Variants in BTBD1 observed in about 807,000 individuals in gnomAD.
BTBD1 encodes BTB domain containing 1, also known as BTB/POZ domain-containing protein 1.
Under a neutral mutation model 48.0 loss-of-function variants are expected in BTBD1, and 34 were observed. That is an observed-to-expected ratio of 0.71 (90% confidence interval 0.54 to 0.94). BTBD1 has a LOEUF of 0.94. Ranked by LOEUF, BTBD1 falls within the 40% of genes least tolerant of loss-of-function variation. The pLI is 0.00. For synonymous variants in BTBD1, 261 were observed against 242.1 expected (o/e 1.08, Z -0.72); for missense variants, 543 against 625.6 (o/e 0.87, Z 1.41).
chr15:83,053,951 A>C (rs2033037907), intron 2 of BTBD1, among the ~76,000 whole-genome samples: 1 of 152,218 alleles, frequency 6.6e-6, no homozygotes, highest in Non-Finnish European at 1.5e-5. Context: ...ACAACTATCG[A>C]TTTTAGGTGA....
intron 4 of BTBD1, among the ~76,000 whole-genome samples, chr15:83,031,164 T>C (rs1223315242): frequency 6.6e-6 from 1 of 152,222 alleles, no homozygotes; most frequent in Admixed American, 6.5e-5. Flanking sequence ...AGTGTTCCTA[T>C]TTCTCCACAT....
intron 5 of BTBD1, among the ~76,000 whole-genome samples, chr15:83,023,383 T>A (rs1203260126): frequency 1.3e-5 from 2 of 152,114 alleles, no homozygotes; most frequent in African/African-American, 4.8e-5. Flanking sequence ...TTAAAAAATT[T>A]TTATTTTTTT....
intron 2 of BTBD1, among the ~76,000 whole-genome samples, chr15:83,055,807 A>G (rs1351261850): frequency 6.6e-6 from 1 of 152,226 alleles, no homozygotes; most frequent in Admixed American, 6.5e-5. Context: ...ACTCTCAATC[A>G]TAAGTAGAAA....
At chr15:83,046,414 AAC>A (rs2032879725) in intron 3 of BTBD1, among the ~76,000 whole-genome samples, 1 of 152,224 alleles carries the variant, frequency 6.6e-6, no homozygotes, top group South Asian at 2.1e-4. Flanking sequence ...AGATCAGAAA[AAC>A]ACAGCAGATT....
At chr15:83,044,079 G>A (rs956661485) in intron 3 of BTBD1, among the ~76,000 whole-genome samples, 2 of 152,078 alleles carry the variant, frequency 1.3e-5, no homozygotes, top group East Asian at 1.9e-4. Context: ...AAAAGAAGAC[G>A]TTAAGCACTT....
intron 3 of BTBD1, among the ~76,000 whole-genome samples, chr15:83,049,633 T>C (rs1232507902): frequency 1.3e-5 from 2 of 152,198 alleles, no homozygotes; most frequent in South Asian, 2.1e-4. Context: ...ATGTGCAGGT[T>C]TGTCACAGAG....
intron 1 of BTBD1, among the ~76,000 whole-genome samples, chr15:83,063,871 A>G (rs956947632): frequency 6.6e-6 from 1 of 152,144 alleles, no homozygotes; most frequent in Non-Finnish European, 1.5e-5. Context: ...TAACTTGATT[A>G]TTTTTCTTCA....
chr15:83,032,969 C>CAAAAAAAAAAAAAAAAAA lies in BTBD1; in HGVS notation c.863-2659_863-2642dup, dbSNP rs56152195. On this transcript the variant is annotated intron_variant, in intron 4 of 7. Coordinates refer to ENST00000261721, the MANE Select transcript of BTBD1 (RefSeq NM_025238.4). ...GCTGGGTGACAGTCTTACTCTGTCT[C>CAAAAAAAAAAAAAAAAAA]AAAAAAAAAAAAAAAAAAACAGAAT... Among the ~76,000 whole-genome samples the CAAAAAAAAAAAAAAAAAA allele has an allele frequency of 1.7e-4, 15 of 86,994 alleles. 1 individual carries two copies. Among genetic ancestry groups the CAAAAAAAAAAAAAAAAAA allele is most frequent in the African/African-American group, 7.5e-4 (15 of 20,070 alleles). The allele number at this position is 86,994 out of a possible 152,430, so 57.1% of individuals were successfully genotyped here.
chr15:83,052,564 TCA>T (rs1392655632), intron 2 of BTBD1, among the ~76,000 whole-genome samples: 3 of 152,004 alleles, frequency 2.0e-5, no homozygotes, highest in African/African-American at 7.2e-5. Flanking sequence ...TAGTCTAGGA[TCA>T]CAGTTATACA....
At chr15:83,033,280 T>C (rs2032560005) in intron 4 of BTBD1, among the ~76,000 whole-genome samples, 1 of 152,176 alleles carries the variant, frequency 6.6e-6, no homozygotes, top group African/African-American at 2.4e-5. Context: ...TGAGAGAATC[T>C]GGTTAGTATC....
intron 5 of BTBD1, among the ~76,000 whole-genome samples, chr15:83,028,212 A>T (rs1435654659): frequency 6.6e-6 from 1 of 152,234 alleles, no homozygotes; most frequent in Admixed American, 6.5e-5. Flanking sequence ...ATAGTTTATC[A>T]TGTCAAACAA....
At position 83,016,808 on chromosome 15, in the gene BTBD1, TAA is replaced by T. The variant is rs2032175826; in HGVS notation, c.*1257_*1258del. 6.6e-6 allele frequency: 1 copy of T among 152,198 alleles called. No individual in the cohort carries two copies. The highest frequency in any genetic ancestry group is 2.1e-4 in the South Asian group (1 of 4,834). The allele number at this position is 152,198 out of a possible 1,614,324, so 9.4% of individuals were successfully genotyped here. On this transcript the variant is annotated 3_prime_UTR_variant, in exon 8 of 8. Transcript: ENST00000261721. ...CAATATACCTACCTTCTTTACAATA[TAA>T]AGTGAAATATTACTTTAGATGAAAA... is the stretch of plus-strand genomic sequence containing the variant.
intron 3 of BTBD1, among the ~76,000 whole-genome samples, chr15:83,042,376 A>ATATATATATG (rs1491038548): frequency 8.2e-6 from 1 of 121,778 alleles, no homozygotes; most frequent in African/African-American, 3.3e-5. Context: ...ATATATATAT[A>ATATATATATG]TGTATGTATA....
intron 2 of BTBD1, among the ~76,000 whole-genome samples, chr15:83,056,151 C>T (rs1003771440): frequency 1.3e-5 from 2 of 152,092 alleles, no homozygotes; most frequent in African/African-American, 2.4e-5. Context: ...GTGATCTACC[C>T]GCTTCAGCAT....
chr15:83,051,870 A>G (rs2032989714), intron 2 of BTBD1, among the ~76,000 whole-genome samples: 1 of 116,968 alleles, frequency 8.5e-6, no homozygotes, highest in Non-Finnish European at 1.8e-5. Flanking sequence ...TTTTTTTTCC[A>G]TATATATACA....
chr15:83,053,456 G>A (rs2033029611), intron 2 of BTBD1, among the ~76,000 whole-genome samples: 1 of 152,144 alleles, frequency 6.6e-6, no homozygotes, highest in South Asian at 2.1e-4. Flanking sequence ...ATGTACTCCA[G>A]AAACACTGGT....
At chr15:83,048,724 G>A (rs932907431) in intron 3 of BTBD1, among the ~76,000 whole-genome samples, 3 of 150,948 alleles carry the variant, frequency 2.0e-5, no homozygotes, top group Non-Finnish European at 4.5e-5. Flanking sequence ...ATAGAAACAA[G>A]AGTTAAGTTC....
At chr15:83,058,567 A>ACACTGCACTCT (rs2033125385) in intron 1 of BTBD1, among the ~76,000 whole-genome samples, 1 of 152,100 alleles carries the variant, frequency 6.6e-6, no homozygotes. Flanking sequence ...GGAGATCGCA[A>ACACTGCACTCT]CACTGCACTC....
chr15:83,041,434 G>A (rs1357031002), intron 4 of BTBD1, among the ~76,000 whole-genome samples: 4 of 151,530 alleles, frequency 2.6e-5, no homozygotes, highest in Admixed American at 6.6e-5. Flanking sequence ...GGAATGCAAC[G>A]GCATGATCTC....
Sources: allele counts gnomAD v4.1 joint callset (sites outside exome capture counted in the v4.1 genomes callset), GRCh38; gene constraint gnomAD v4.1.1; transcripts MANE v1.5; gene names NCBI Gene and HGNC (gene_info 2026-07-23, HGNC 2026-07-21).